Variants in EPHA6 observed in about 807,000 individuals in gnomAD.
EPHA6 encodes the protein ephrin type-A receptor 6.
In EPHA6, 50 loss-of-function variants were observed where a neutral mutation model predicts 112.0. The observed-to-expected ratio is 0.45, with a 90% CI of 0.36 to 0.56. EPHA6 has a LOEUF of 0.56. Among genes scored for constraint, EPHA6 ranks in the 20% least tolerant of loss-of-function variants. EPHA6 has a pLI of 0.00. For missense variants in EPHA6, 1,280 were observed against 1,417.4 expected (o/e 0.90, Z 1.56); for synonymous variants, 529 against 490.7 (o/e 1.08, Z -1.03).
At chr3:97,646,770 C>G (rs1253388632) in intron 14 of EPHA6, among the ~76,000 whole-genome samples, 1 of 152,170 alleles carries the variant, frequency 6.6e-6, no homozygotes, top group African/African-American at 2.4e-5. Flanking sequence ...AACATATTCA[C>G]AAGTTATGTG....
chr3:97,077,534 GC>G (rs894506999), intron 3 of EPHA6, among the ~76,000 whole-genome samples: 2 of 150,840 alleles, frequency 1.3e-5, no homozygotes, highest in African/African-American at 4.9e-5. Context: ...TACTATCCCT[GC>G]CCCCGCCCCA....
chr3:96,913,208 A>T (rs1191524414), intron 2 of EPHA6, among the ~76,000 whole-genome samples: 1 of 117,574 alleles, frequency 8.5e-6, no homozygotes, highest in Non-Finnish European at 1.7e-5. Context: ...ACACACACAC[A>T]CACACCACAC....
intron 3 of EPHA6, among the ~76,000 whole-genome samples, chr3:97,219,135 T>C (rs2078118403): frequency 6.6e-6 from 1 of 152,146 alleles, no homozygotes; most frequent in Non-Finnish European, 1.5e-5. Context: ...TCCTGGCTGC[T>C]TTTATGGGCT....
chr3:97,751,768 A>T lies in EPHA6; in HGVS notation c.*3067A>T, dbSNP rs935140621. ...CACAAGTCTTCAGGAATAATCTTTG[A>T]TACCTAAAATATGCATATAGACTCA... On this transcript the variant is annotated 3_prime_UTR_variant, in exon 18 of 18. Coordinates refer to ENST00000389672, the MANE Select transcript of EPHA6 (RefSeq NM_001080448.3). 6.6e-6 allele frequency among the ~76,000 whole-genome samples: 1 copy of T among 152,166 alleles called. No homozygotes were observed. Among genetic ancestry groups the T allele is most frequent in the East Asian group, 1.9e-4 (1 of 5,194 alleles).
chr3:97,533,472 C>G (rs1013074264), intron 11 of EPHA6, among the ~76,000 whole-genome samples: 6 of 152,030 alleles, frequency 3.9e-5, no homozygotes, highest in Non-Finnish European at 8.8e-5. Context: ...TGAATAGATT[C>G]CTGACAGCTA....
intron 11 of EPHA6, among the ~76,000 whole-genome samples, chr3:97,545,369 A>T (rs1222342249): frequency 6.6e-6 from 1 of 151,946 alleles, no homozygotes; most frequent in Non-Finnish European, 1.5e-5. Context: ...CATGTAGTTT[A>T]GGGTTTTGAG....
chr3:97,520,297 T>C (rs1359788949), intron 10 of EPHA6, among the ~76,000 whole-genome samples: 2 of 152,300 alleles, frequency 1.3e-5, no homozygotes, highest in East Asian at 1.9e-4. Context: ...CTTTCTCTTC[T>C]ACCAGTGGGT....
chr3:97,021,828 C>G (rs2044471991), intron 3 of EPHA6, among the ~76,000 whole-genome samples: 1 of 152,170 alleles, frequency 6.6e-6, no homozygotes, highest in Non-Finnish European at 1.5e-5. Flanking sequence ...TTTGGGGACA[C>G]AATGTAGTCT....
chr3:96,928,659 G>A (rs2040163203), intron 2 of EPHA6, among the ~76,000 whole-genome samples: 1 of 152,110 alleles, frequency 6.6e-6, no homozygotes, highest in South Asian at 2.1e-4. Flanking sequence ...CTGAGTTCAG[G>A]TCCTGAATAT....
intron 3 of EPHA6, among the ~76,000 whole-genome samples, chr3:97,051,486 T>A (rs2045683728): frequency 6.6e-6 from 1 of 152,112 alleles, no homozygotes; most frequent in Non-Finnish European, 1.5e-5. Flanking sequence ...TGATATTCAG[T>A]GTTATGCAGA....
intron 3 of EPHA6, among the ~76,000 whole-genome samples, chr3:97,104,115 C>T (rs1336072312): frequency 1.3e-5 from 2 of 152,076 alleles, no homozygotes; most frequent in Non-Finnish European, 2.9e-5. Flanking sequence ...AACCTCCTCT[C>T]TTCCTATTTG....
At chr3:97,326,708 A>G (rs2082442763) in intron 5 of EPHA6, among the ~76,000 whole-genome samples, 1 of 152,114 alleles carries the variant, frequency 6.6e-6, no homozygotes, top group Non-Finnish European at 1.5e-5. Flanking sequence ...ACACATCATG[A>G]AACAGTAAAA....
At chr3:96,935,130 C>T (rs1326259698) in intron 2 of EPHA6, among the ~76,000 whole-genome samples, 2 of 151,736 alleles carry the variant, frequency 1.3e-5, no homozygotes, top group African/African-American at 4.8e-5. Context: ...AAATACTTAC[C>T]ATGTTCGTTT....
chr3:96,975,339 C>T (rs1199518895), intron 2 of EPHA6, among the ~76,000 whole-genome samples: 2 of 152,062 alleles, frequency 1.3e-5, no homozygotes, highest in African/African-American at 4.8e-5. Context: ...GCAGTTTCTC[C>T]ACCCATACCA....
intron 2 of EPHA6, among the ~76,000 whole-genome samples, chr3:96,958,669 A>G (rs982441309): frequency 3.3e-5 from 5 of 152,066 alleles, no homozygotes; most frequent in Admixed American, 2.6e-4. Flanking sequence ...ACGGTAATCT[A>G]CTTTCTGTTT....
chr3:96,947,002 G>A (rs111528427), intron 2 of EPHA6, among the ~76,000 whole-genome samples: 2,453 of 151,250 alleles, frequency 0.016, 64 homozygotes, highest in African/African-American at 0.05. Flanking sequence ...CATATCCTTC[G>A]CCCACTTTTT....
chr3:97,563,116 C>T (rs543141726), intron 11 of EPHA6, among the ~76,000 whole-genome samples: 2 of 152,002 alleles, frequency 1.3e-5, no homozygotes, highest in East Asian at 3.8e-4. Flanking sequence ...GAAACCAAAC[C>T]CACAGTATCT....
chr3:97,033,926 A>G (rs979849167), intron 3 of EPHA6, among the ~76,000 whole-genome samples: 55 of 151,974 alleles, frequency 3.6e-4, no homozygotes, highest in African/African-American at 1.3e-3. Flanking sequence ...AAATCAAACA[A>G]TATTTTCTGA....
chr3:97,467,365 T>C (rs2091089928), intron 7 of EPHA6, among the ~76,000 whole-genome samples: 1 of 151,872 alleles, frequency 6.6e-6, no homozygotes, highest in Non-Finnish European at 1.5e-5. Flanking sequence ...ATACAACTTA[T>C]GAAATTTGTG....
Sources: gnomAD v4.1 joint callset for allele counts (sites outside exome capture counted in the v4.1 genomes callset) on GRCh38, gnomAD v4.1.1 for gene constraint, MANE v1.5 for transcripts, NCBI Gene and HGNC (gene_info 2026-07-23, HGNC 2026-07-21) for gene names.